Variants in MIS18BP1 observed in about 807,000 individuals in gnomAD.
The protein encoded by MIS18BP1 is MIS18 binding protein 1.
In MIS18BP1, 72 loss-of-function variants were observed where a neutral mutation model predicts 116.1. The ratio of observed to expected loss-of-function variants is 0.62; its 90% CI spans 0.51 to 0.75. The LOEUF is 0.75. Ranked by LOEUF, MIS18BP1 falls within the 30% of genes least tolerant of loss-of-function variation. MIS18BP1 has a pLI of 0.00. For missense variants in MIS18BP1, 1,363 were observed against 1,303.2 expected, an observed-to-expected ratio of 1.05 and a Z score of -0.71; for synonymous variants, 386 against 427.0, an observed-to-expected ratio of 0.90 and a Z score of 1.18.
chr14:45,243,933 T>G (rs1478850922), intron 2 of MIS18BP1, among the ~76,000 whole-genome samples: 1 of 152,202 alleles, frequency 6.6e-6, no homozygotes, highest in African/African-American at 2.4e-5. Flanking sequence ...TTTCTTACTC[T>G]CAAATGCTAC....
chr14:45,227,622 A>G (rs1891159076), intron 9 of MIS18BP1, 41 bp downstream of exon 9: 2 of 1,550,882 alleles, frequency 1.3e-6, no homozygotes, highest in East Asian at 4.6e-5. Flanking sequence ...TCACCCTTCT[A>G]AATATCAACT....
In MIS18BP1 at chr14:45,224,151, A is replaced by T; in HGVS notation, c.2436T>A (p.Asn812Lys). 1 of 1,613,898 alleles carries T rather than the reference A, an allele frequency of 6.2e-7. No individual in the cohort carries two copies. The highest frequency in any genetic ancestry group is 8.5e-7 in the Non-Finnish European group (1 of 1,179,968). The change falls in exon 11 of 17, where the codon AAT becomes AAA. Residue 812 changes from asparagine to lysine, a missense_variant. Asn to Lys is a moderately conservative substitution (Grantham distance 94). Transcript: ENST00000310806. ...HLRKSTRNTS[N>K]IPVILEPETE... The stretch of plus-strand genomic sequence containing the variant: ...TTTCAGGTTCCAAAATCACTGGAAT[A>T]TTACTTGTGTTTCTTGTGCTCTTTC...
At chr14:45,248,671 A>T (rs1367687901) in intron 1 of MIS18BP1, among the ~76,000 whole-genome samples, 1 of 152,216 alleles carries the variant, frequency 6.6e-6, no homozygotes, top group Non-Finnish European at 1.5e-5. Context: ...CAATTAATAT[A>T]CAAAGTATTA....
At chr14:45,229,978 T>C (rs1444789480) in intron 8 of MIS18BP1, among the ~76,000 whole-genome samples, 1 of 152,208 alleles carries the variant, frequency 6.6e-6, no homozygotes, top group Non-Finnish European at 1.5e-5. Flanking sequence ...ATTTAACGTA[T>C]TCCTTTCTCT....
intron 2 of MIS18BP1, 133 bp downstream of exon 2, chr14:45,246,610 G>A (rs1891727511): frequency 1.6e-6 from 1 of 628,076 alleles, no homozygotes; most frequent in African/African-American, 1.9e-5. Context: ...TTCCCACCAT[G>A]TGAATATGAG....
At position 45,242,870 on chromosome 14, in the gene MIS18BP1, T is replaced by G. The variant is rs1275279978; in HGVS notation, c.549A>C (p.Ser183=). 6.3e-7 allele frequency: 1 copy of G among 1,590,224 alleles called. No individual in the cohort carries two copies. The highest frequency in any genetic ancestry group is 1.1e-5 in the South Asian group (1 of 88,074). The change falls in exon 3 of 17, where the codon TCA becomes TCC. Residue 183 remains serine (S), a synonymous_variant. Transcript: ENST00000310806. Reference sequence around the variant, plus strand: ...ATGATTCTAGAGGAACTCCTTGGACTGAGGCTAAGGTTTTATTTTTTAAAG... The same window carrying G: ...ATGATTCTAGAGGAACTCCTTGGACGGAGGCTAAGGTTTTATTTTTTAAAG... The part of the protein sequence containing the change: ...FQSDDSSLRA[S]VQGVPLESSN...
chr14:45,204,336 T>C (rs1359976677), intron 16 of MIS18BP1, 63 bp downstream of exon 16: 1 of 1,553,502 alleles, frequency 6.4e-7, no homozygotes, highest in African/African-American at 1.4e-5. Context: ...TTTAATACCA[T>C]TTAAATAAAG....
chr14:45,242,046 A>C lies in MIS18BP1; in HGVS notation c.1131T>G (p.Leu377=). 6.3e-7 allele frequency: 1 copy of C among 1,593,820 alleles called. No individual in the cohort carries two copies. The highest frequency in any genetic ancestry group is 1.8e-5 in the Admixed American group (1 of 55,740). Residue 377 remains leucine, a synonymous_variant, in exon 4 of 17, where the codon CTT becomes CTG. Transcript: ENST00000310806. ...AAAGTTTTCCCACCTGATTTTTTTTAAGTCCATTTGTAACAGTTTGAAATA... is the reference window on the plus strand; with the variant it reads ...AAAGTTTTCCCACCTGATTTTTTTTCAGTCCATTTGTAACAGTTTGAAATA... ...PRIFQTVTNG[L]KKNQVVQLQE...
At chr14:45,228,544 T>C (rs1891188631) in intron 8 of MIS18BP1, among the ~76,000 whole-genome samples, 1 of 152,238 alleles carries the variant, frequency 6.6e-6, no homozygotes. Context: ...TAAATTTCTG[T>C]AATTAAAATT....
intron 7 of MIS18BP1, among the ~76,000 whole-genome samples, chr14:45,232,188 GGGTGGATCAGGA>G (rs546794406): frequency 5.0e-4 from 76 of 151,662 alleles, no homozygotes; most frequent in African/African-American, 1.6e-3. Context: ...AGGCCAAGGT[GGGTGGATCAGGA>G]GGTCAGGAGA....
Position 45,207,799 on chromosome 14 carries a change from A to G in MIS18BP1, c.3153-1629T>C, listed in dbSNP as rs538299569. Among the ~76,000 whole-genome samples the G allele has an allele frequency of 3.3e-5, 5 of 152,342 alleles. No individual in the cohort carries two copies. In the East Asian group the frequency reaches 9.6e-4, roughly 29 times the overall value. On this transcript the variant is annotated intron_variant, in intron 14 of 16. Transcript: ENST00000310806. The stretch of plus-strand genomic sequence containing the variant: ...TTAAAACTGTTATGAAAAGTACGTC[A>G]ATTACTAGAGCTAGTAAAGTCAGAG...
intron 6 of MIS18BP1, among the ~76,000 whole-genome samples, chr14:45,234,220 T>C (rs1316151465): frequency 6.7e-6 from 1 of 149,698 alleles, no homozygotes; most frequent in Non-Finnish European, 1.5e-5. Flanking sequence ...TTAAAGAGAA[T>C]TCAAGAAAAA....
chr14:45,213,269 T>C (rs1327728997), intron 13 of MIS18BP1, among the ~76,000 whole-genome samples: 1 of 152,120 alleles, frequency 6.6e-6, no homozygotes, highest in Non-Finnish European at 1.5e-5. Context: ...TTGCTGCCAG[T>C]AACAGGAGGG....
At chr14:45,232,966 A>G (rs988027426) in intron 6 of MIS18BP1, 146 bp from the exon 7 acceptor site, 3 of 559,630 alleles carry the variant, frequency 5.4e-6, no homozygotes, top group Non-Finnish European at 9.7e-6. Context: ...ATTCGGCAGT[A>G]AACAAAGCAG....
chr14:45,241,675 A>T (rs1435499128), intron 4 of MIS18BP1: 1 of 166,008 alleles, frequency 6.0e-6, no homozygotes, highest in Non-Finnish European at 1.3e-5. Flanking sequence ...GTTCCTTTCT[A>T]TCTTAATTAA....
intron 7 of MIS18BP1, chr14:45,232,528 C>T (rs1310560502): frequency 2.7e-5 from 14 of 527,172 alleles, no homozygotes; most frequent in Admixed American, 2.4e-4. Context: ...GGCACAGTGG[C>T]TCATGCCTGT....
chr14:45,233,314 G>T (rs543838143), intron 6 of MIS18BP1, among the ~76,000 whole-genome samples: 1 of 152,244 alleles, frequency 6.6e-6, no homozygotes, highest in East Asian at 1.9e-4. Flanking sequence ...GAGGGGGTTA[G>T]AACTTGGGAG....
intron 8 of MIS18BP1, 51 bp downstream of exon 8, chr14:45,231,090 C>A (rs1594516588): frequency 6.4e-7 from 1 of 1,564,916 alleles, no homozygotes; most frequent in African/African-American, 1.4e-5. Context: ...CAATGTAGAC[C>A]ATGTAAGAAC....
chr14:45,215,001 T>C (rs1378311749), intron 13 of MIS18BP1, among the ~76,000 whole-genome samples: 1 of 152,252 alleles, frequency 6.6e-6, no homozygotes, highest in Non-Finnish European at 1.5e-5. Flanking sequence ...TCTGCCCACC[T>C]TGGCCTCCCA....
Sources: gnomAD v4.1 joint callset for allele counts (sites outside exome capture counted in the v4.1 genomes callset) on GRCh38, gnomAD v4.1.1 for gene constraint, MANE v1.5 for transcripts, NCBI Gene and HGNC (gene_info 2026-07-23, HGNC 2026-07-21) for gene names.